Variants in DIP2A observed in about 807,000 individuals in gnomAD.
DIP2A encodes the protein disco-interacting protein 2 homolog A.
In DIP2A, 85 loss-of-function variants were observed where a neutral mutation model predicts 177.4. The ratio of observed to expected loss-of-function variants is 0.48; its 90% CI spans 0.40 to 0.57. DIP2A has a LOEUF of 0.57. DIP2A is among the 20% of genes least tolerant of loss of function. The pLI is 0.00. For missense variants in DIP2A, 1,791 were observed against 2,100.2 expected, an observed-to-expected ratio of 0.85 and a Z score of 2.88; for synonymous variants, 886 against 881.8, an observed-to-expected ratio of 1.00 and a Z score of -0.08.
rs189828498 is a variant in DIP2A, at chr21:46,486,116, T to C, written c.163+1288T>C. 9.8e-4 allele frequency among the ~76,000 whole-genome samples: 144 copies of C among 146,610 alleles called. No individual in the cohort carries two copies. In the Middle Eastern group the frequency reaches 0.011, roughly 11 times the overall value. ...AGAACTAAAGAACTAGTATCCAGAA[T>C]GTACCGAGCAGTGCTGTCCAGTAGA... is the stretch of plus-strand genomic sequence containing the variant. On this transcript the variant is annotated intron_variant, in intron 2 of 37. Transcript: ENST00000417564.
intron 35 of DIP2A, 117 bp from the exon 36 acceptor site, chr21:46,565,596 G>T: frequency 9.5e-7 from 1 of 1,056,098 alleles, no homozygotes; most frequent in Non-Finnish European, 1.4e-6. Flanking sequence ...AATATTATCC[G>T]CCCCGACTTC....
At chr21:46,581,116 A>G in the DIP2A span, among the ~76,000 whole-genome samples, 1 of 152,186 alleles carries the variant, frequency 6.6e-6, no homozygotes, top group African/African-American at 2.4e-5. Flanking sequence ...ACATAATCTC[A>G]TAGATCTCAG....
In DIP2A at chr21:46,490,607, C is replaced by T; in HGVS notation, c.171C>T (p.Asp57=). ...CATAAAATTGTGTTTCAGGAATAGACCCATCTCTGCAAGCAGAGAATAGAA... is the reference window on the plus strand; with the variant it reads ...CATAAAATTGTGTTTCAGGAATAGATCCATCTCTGCAAGCAGAGAATAGAA... ...ARYIPLIQGI[D]PSLQAENRIP... The change falls in exon 3 of 38, where the codon GAC becomes GAT. Residue 57 remains aspartate, a synonymous_variant. Coordinates refer to ENST00000417564, the MANE Select transcript of DIP2A (RefSeq NM_015151.4). 4 of 1,564,828 alleles carry T rather than the reference C, an allele frequency of 2.6e-6. No homozygotes were observed. Among genetic ancestry groups the T allele is most frequent in the Non-Finnish European group, 2.6e-6 (3 of 1,154,610 alleles).
intron 1 of DIP2A, 110 bp downstream of exon 1, chr21:46,459,332 T>G: frequency 1.4e-6 from 1 of 725,860 alleles, no homozygotes. Context: ...ACCCCCGCCC[T>G]TCACCCCCGG....
chr21:46,528,529 T>G (rs75653306), intron 8 of DIP2A, among the ~76,000 whole-genome samples: 1 of 31,540 alleles, frequency 3.2e-5, no homozygotes, highest in Non-Finnish European at 7.1e-5. Context: ...TCTGCTTGCT[T>G]TTTTTTTTTT....
intron 7 of DIP2A, 36 bp downstream of exon 7, chr21:46,509,412 A>G: frequency 6.3e-7 from 1 of 1,582,250 alleles, no homozygotes. Context: ...TTCTGTTTGT[A>G]TGAAAAGGGT....
At chr21:46,462,343 T>G (rs530050582) in intron 1 of DIP2A, 3 of 152,328 alleles carry the variant, frequency 2.0e-5, no homozygotes, top group Non-Finnish European at 4.4e-5. Context: ...AGGCAGATTT[T>G]TGGCTTCTTC....
chr21:46,553,961 C>T (rs896354742), intron 25 of DIP2A: 25 of 497,320 alleles, frequency 5.0e-5, no homozygotes, highest in Non-Finnish European at 6.7e-5. Flanking sequence ...GTCAGGAGTT[C>T]GAGACCAGCC....
chr21:46,548,181 C>T lies in DIP2A; in HGVS notation c.2522+1139C>T, dbSNP rs868591198. ...GGCAGGCTGTGCTCATGCATGTGTG[C>T]GTGTGTGTGTGTGTGTGTGTGTGTG... On this transcript the variant is annotated intron_variant, in intron 21 of 37. Transcript: ENST00000417564. Among the ~76,000 whole-genome samples, 325 of 147,672 alleles carry T rather than the reference C, an allele frequency of 2.2e-3. 1 individual carries two copies. Among genetic ancestry groups the T allele is most frequent in the African/African-American group, 7.1e-3 (288 of 40,318 alleles).
At chr21:46,531,327 C>G (rs889759403) in intron 9 of DIP2A, among the ~76,000 whole-genome samples, 1 of 152,020 alleles carries the variant, frequency 6.6e-6, no homozygotes, top group African/African-American at 2.4e-5. Flanking sequence ...TTTGACCCAG[C>G]TGAGGGAGTA....
chr21:46,536,881 G>T (rs2059595881), intron 13 of DIP2A, among the ~76,000 whole-genome samples: 1 of 150,584 alleles, frequency 6.6e-6, no homozygotes, highest in Non-Finnish European at 1.5e-5. Flanking sequence ...TCTAGCCTGG[G>T]CAACAGAGCA....
At chr21:46,500,980 C>T (rs1393726131) in intron 5 of DIP2A, among the ~76,000 whole-genome samples, 2 of 152,202 alleles carry the variant, frequency 1.3e-5, no homozygotes, top group East Asian at 1.9e-4. Context: ...AAATTCTTAA[C>T]TTGGACTTGA....
intron 17 of DIP2A, among the ~76,000 whole-genome samples, chr21:46,541,418 C>T (rs975632964): frequency 2.0e-5 from 3 of 152,088 alleles, no homozygotes; most frequent in Non-Finnish European, 2.9e-5. Flanking sequence ...GCCTCAACAC[C>T]GTCCTTCTGT....
chr21:46,530,229 A>G (rs2059298776), intron 9 of DIP2A, among the ~76,000 whole-genome samples: 1 of 152,256 alleles, frequency 6.6e-6, no homozygotes, highest in African/African-American at 2.4e-5. Flanking sequence ...CCTAGTGAGA[A>G]GGTCACCTGT....
chr21:46,557,112 G>C lies in DIP2A; in HGVS notation c.3629+43G>C. 3.9e-6 allele frequency: 6 copies of C among 1,555,228 alleles called. No homozygotes were observed. The highest frequency in any genetic ancestry group is 2.3e-5 in the East Asian group (1 of 43,086). ...GCTGCCTGCCAGGTGGGAGCAGCTC[G>C]TGTGGCTCTTAGGAACCTTGGCCTT... On this transcript the variant is annotated intron_variant, in intron 30 of 37. Coordinates refer to ENST00000417564, the MANE Select transcript of DIP2A (RefSeq NM_015151.4). The surrounding 1 kb of genome is among the most constrained non-coding windows in gnomAD (Gnocchi z 6.0).
Position 46,565,728 on chromosome 21 carries a change from C to A in DIP2A, c.4180C>A (p.Pro1394Thr), listed in dbSNP as rs1204149032. Residue 1394 changes from proline (P) to threonine (T), a missense_variant, in exon 36 of 38, where the codon CCC (proline) becomes ACC (threonine). Physicochemically the swap from Pro to Thr is conservative, Grantham distance 38. Transcript: ENST00000417564. ...GGCCCACCAGATCTGGGTAAGCAGC[C>A]CCCACAATGCCACCGGGTACTACAC... ...SHLGEIWVSS[P>T]HNATGYYTVY... is the part of the protein sequence containing the mutation. 6.2e-6 allele frequency: 10 copies of A among 1,612,546 alleles called. No homozygotes were observed. The highest frequency in any genetic ancestry group is 8.5e-6 in the Non-Finnish European group (10 of 1,179,440).
At chr21:46,580,141 G>T in the DIP2A span, among the ~76,000 whole-genome samples, 5 of 152,234 alleles carry the variant, frequency 3.3e-5, no homozygotes, top group African/African-American at 1.2e-4. Flanking sequence ...TCCTGTATTG[G>T]CTGCGTATAT....
At chr21:46,482,141 G>A (rs1165207077) in intron 1 of DIP2A, among the ~76,000 whole-genome samples, 5 of 152,238 alleles carry the variant, frequency 3.3e-5, no homozygotes, top group African/African-American at 4.8e-5. Flanking sequence ...AAGACCGACA[G>A]TGAGAAAATA....
Position 46,529,063 on chromosome 21 carries a change from CATTGCTTAGTATTTTTATTTTGTT to C in DIP2A, c.1103-28_1103-5del. The C allele has an allele frequency of 5.2e-6, 7 of 1,345,960 alleles. No homozygotes were observed. The highest frequency in any genetic ancestry group is 1.5e-5 in the African/African-American group (1 of 66,288). 83.4% of individuals were successfully genotyped at this position (1,345,960 alleles called of 1,614,324 possible). ...TTAATTACTTGTTTCTTAAATTTTACATTGCTTAGTATTTTTATTTTGTTTTAGGTAAACTTTGGAGTCGGAGTT... is the reference window on the plus strand; with the variant it reads ...TTAATTACTTGTTTCTTAAATTTTACTTAGGTAAACTTTGGAGTCGGAGTT... On this transcript the variant is annotated splice_polypyrimidine_tract_variant and splice_region_variant and intron_variant, in intron 8 of 37. Coordinates refer to ENST00000417564, the MANE Select transcript of DIP2A (RefSeq NM_015151.4).
Sources: gnomAD v4.1 joint callset for allele counts (sites outside exome capture counted in the v4.1 genomes callset) on GRCh38, gnomAD v4.1.1 for gene constraint, Gnocchi (gnomAD v3.1) non-coding constraint, MANE v1.5 for transcripts, NCBI Gene and HGNC (gene_info 2026-07-23, HGNC 2026-07-21) for gene names.